The following DAB1 variants were observed in gnomAD, a reference collection of about 807,000 sequenced individuals.
DAB1 encodes disabled homolog 1.
In DAB1, 15 loss-of-function variants were observed where a neutral mutation model predicts 64.6. The observed-to-expected ratio is 0.23, with a 90% CI of 0.16 to 0.36. The LOEUF (loss-of-function observed/expected upper bound fraction) is 0.36, where lower values mean the gene tolerates loss of function less well. Among genes scored for constraint, DAB1 ranks in the 10% least tolerant of loss-of-function variants. The pLI is 1.00. For missense variants in DAB1, 596 were observed against 706.7 expected (o/e 0.84, Z 1.78); for synonymous variants, 235 against 251.9 (o/e 0.93, Z 0.64).
intron 3 of DAB1, among the ~76,000 whole-genome samples, chr1:58,376,092 G>A: frequency 6.6e-6 from 1 of 152,000 alleles, no homozygotes; most frequent in Non-Finnish European, 1.5e-5. Flanking sequence ...TGTCTTGCTA[G>A]CAGTCTATCA....
chr1:58,132,066 G>T (rs574674218), intron 5 of DAB1, among the ~76,000 whole-genome samples: 3 of 152,072 alleles, frequency 2.0e-5, no homozygotes, highest in African/African-American at 4.8e-5. Context: ...CCTCAATGCC[G>T]CCTTGCAGTT....
intron 4 of DAB1, among the ~76,000 whole-genome samples, chr1:58,283,101 C>T (rs944164411): frequency 6.6e-6 from 1 of 151,880 alleles, no homozygotes; most frequent in Non-Finnish European, 1.5e-5. Flanking sequence ...GACATACAGC[C>T]TTGCTTGGTA....
chr1:57,565,236 C>T (rs897082760), intron 7 of DAB1, among the ~76,000 whole-genome samples: 3 of 152,108 alleles, frequency 2.0e-5, no homozygotes, highest in East Asian at 3.9e-4. Context: ...GAGATTTTGT[C>T]ATCACCAGGC....
intron 7 of DAB1, among the ~76,000 whole-genome samples, chr1:57,614,596 TAC>T (rs1645767068): frequency 6.6e-6 from 1 of 152,228 alleles, no homozygotes; most frequent in Non-Finnish European, 1.5e-5. Flanking sequence ...TCTTTTGTGA[TAC>T]AGTCTTCTTT....
chr1:57,655,283 A>C (rs1457443059), intron 6 of DAB1, among the ~76,000 whole-genome samples: 2 of 151,954 alleles, frequency 1.3e-5, no homozygotes, highest in East Asian at 3.9e-4. Context: ...CCATCTATCC[A>C]ACCACTCATC....
At chr1:58,266,410 C>T (rs1661163768) in intron 4 of DAB1, among the ~76,000 whole-genome samples, 1 of 152,166 alleles carries the variant, frequency 6.6e-6, no homozygotes, top group South Asian at 2.1e-4. Flanking sequence ...ACAGCAGTTC[C>T]ACGAGTAGAA....
chr1:57,640,289 G>C (rs367599666), intron 7 of DAB1, among the ~76,000 whole-genome samples: 4 of 152,010 alleles, frequency 2.6e-5, no homozygotes, highest in Admixed American at 2.6e-4. Flanking sequence ...CTAGTTGAGG[G>C]GTATGTTTCC....
intron 7 of DAB1, among the ~76,000 whole-genome samples, chr1:57,503,638 C>T (rs972338466): frequency 2.0e-5 from 3 of 152,346 alleles, no homozygotes; most frequent in Admixed American, 6.5e-5. Context: ...CATGCCCTGC[C>T]GGGCAATATT....
At chr1:58,286,373 C>G (rs992781864) in intron 4 of DAB1, among the ~76,000 whole-genome samples, 1 of 152,130 alleles carries the variant, frequency 6.6e-6, no homozygotes, top group African/African-American at 2.4e-5. Flanking sequence ...TCAGAGTGAA[C>G]AGACAACCTA....
At chr1:57,720,499 T>C (rs1054053644) in intron 6 of DAB1, among the ~76,000 whole-genome samples, 7 of 152,210 alleles carry the variant, frequency 4.6e-5, no homozygotes, top group Non-Finnish European at 1.0e-4. Flanking sequence ...TAGTGCAGTA[T>C]AAGAGGAAGA....
Position 58,320,087 on chromosome 1 carries a change from G to C in DAB1, n.309+23265C>G, listed in dbSNP as rs373315346. 2.2e-4 allele frequency among the ~76,000 whole-genome samples: 34 copies of C among 152,212 alleles called. No homozygotes were observed. In the East Asian group the frequency reaches 2.9e-3, roughly 13 times the overall value. ...CACCATCCTAGGTATGCTATGGAGA[G>C]AGAAATCCACACTCTTCTGCCTGCA... On this transcript the variant is annotated intron_variant and non_coding_transcript_variant, in intron 4 of 20. Transcript: ENST00000485760.
intron 1 of DAB1, among the ~76,000 whole-genome samples, chr1:57,364,118 T>C (rs1679774327): frequency 6.6e-6 from 1 of 152,200 alleles, no homozygotes; most frequent in Non-Finnish European, 1.5e-5. Flanking sequence ...AGGCTCTCAC[T>C]GCTGAAGAGG....
chr1:58,393,120 C>CTTT lies in DAB1; in HGVS notation n.258-49720_258-49718dup, dbSNP rs34546253. On this transcript the variant is annotated intron_variant and non_coding_transcript_variant, in intron 3 of 20. Coordinates refer to the DAB1 transcript ENST00000485760. Reference sequence around the variant, plus strand: ...CATACCATGCTATTTACTTCCAAATCTTTTTTTTTTTTTTTTTTTTTTTAT... The same window carrying CTTT: ...CATACCATGCTATTTACTTCCAAATCTTTTTTTTTTTTTTTTTTTTTTTTTTAT... Among the ~76,000 whole-genome samples the CTTT allele has an allele frequency of 4.9e-3, 568 of 117,074 alleles. 2 individuals are homozygous for CTTT. The highest frequency in any genetic ancestry group is 0.018 in the African/African-American group (513 of 28,392). 76.8% of individuals were successfully genotyped at this position (117,074 alleles called of 152,430 possible). A position where few individuals can be genotyped will look rare whatever the true frequency, so the allele number is the denominator to read the frequency against.
intron 2 of DAB1, among the ~76,000 whole-genome samples, chr1:57,241,213 C>A (rs1015042313): frequency 6.6e-6 from 1 of 152,082 alleles, no homozygotes; most frequent in African/African-American, 2.4e-5. Flanking sequence ...TCTTGTCACC[C>A]ATCAGTCAAC....
chr1:57,286,991 T>C (rs563011753), intron 2 of DAB1, among the ~76,000 whole-genome samples: 3 of 152,344 alleles, frequency 2.0e-5, no homozygotes, highest in South Asian at 4.1e-4. Context: ...AAAAAGCCTA[T>C]GATAAAATTC....
At chr1:57,427,650 T>A (rs760063286), upstream of DAB1, among the ~76,000 whole-genome samples, 12 of 152,204 alleles carry the variant, frequency 7.9e-5, no homozygotes, top group Non-Finnish European at 1.5e-4. Flanking sequence ...AGCCAGAGAG[T>A]AATAAAATTT....
At chr1:58,029,547 T>C (rs1276467765) in intron 5 of DAB1, among the ~76,000 whole-genome samples, 1 of 152,180 alleles carries the variant, frequency 6.6e-6, no homozygotes, top group Non-Finnish European at 1.5e-5. Context: ...CCATGTTAAT[T>C]ACAAAAGAGG....
intron 7 of DAB1, among the ~76,000 whole-genome samples, chr1:57,628,533 C>T (rs1036769145): frequency 2.6e-5 from 4 of 152,170 alleles, no homozygotes; most frequent in Admixed American, 1.3e-4. Context: ...CCTGAAAATA[C>T]TTAAATAAGT....
intron 7 of DAB1, among the ~76,000 whole-genome samples, chr1:57,612,237 G>T (rs1346777353): frequency 6.6e-6 from 1 of 152,014 alleles, no homozygotes; most frequent in Admixed American, 6.6e-5. Context: ...GTGCGTGTGT[G>T]TGTGTAAATT....
Sources: allele counts gnomAD v4.1 joint callset (sites outside exome capture counted in the v4.1 genomes callset), GRCh38; gene constraint gnomAD v4.1.1; transcripts MANE v1.5; gene names NCBI Gene and HGNC (gene_info 2026-07-23, HGNC 2026-07-21).